VAPA: variants seen among roughly 807,000 people sequenced by gnomAD.
VAPA encodes vesicle-associated membrane protein-associated protein A.
Under a neutral mutation model 25.6 loss-of-function variants are expected in VAPA, and 6 were observed. The ratio of observed to expected loss-of-function variants is 0.23; its 90% CI spans 0.13 to 0.46. VAPA has a LOEUF of 0.46. Ranked by LOEUF, VAPA falls within the 20% of genes least tolerant of loss-of-function variation. VAPA has a pLI of 0.99. For synonymous variants in VAPA, 112 were observed against 106.2 expected, an observed-to-expected ratio of 1.05 and a Z score of -0.34; for missense variants, 244 against 302.1, an observed-to-expected ratio of 0.81 and a Z score of 1.43.
chr18:9,950,784 A>G, intron 5 of VAPA: 1 of 502,978 alleles, frequency 2.0e-6, no homozygotes, highest in Non-Finnish European at 3.5e-6. Context: ...CATTCTAATT[A>G]TTTGTGATCT....
At chr18:9,938,209 A>G (rs2069330655) in intron 4 of VAPA, among the ~76,000 whole-genome samples, 1 of 152,066 alleles carries the variant, frequency 6.6e-6, no homozygotes. Flanking sequence ...AAAAATTTGG[A>G]TATTTTCTCA....
Position 9,914,221 on chromosome 18 carries a change from G to A in VAPA, c.-36G>A, listed in dbSNP as rs1389801527. 6.4e-6 allele frequency: 10 copies of A among 1,555,964 alleles called. No homozygotes were observed. In the Admixed American group the frequency reaches 1.1e-4, roughly 17 times the overall value. ...CCCCGCCCCCAGTCAGCAAACCGCC[G>A]CCGCGGGCGCGCCCCCGCTCTGCGC... On this transcript the variant is annotated 5_prime_UTR_variant, in exon 1 of 6. Coordinates refer to ENST00000400000, the MANE Select transcript of VAPA (RefSeq NM_194434.3).
chr18:9,926,258 C>A (rs1159959560), intron 1 of VAPA, among the ~76,000 whole-genome samples: 1 of 152,054 alleles, frequency 6.6e-6, no homozygotes, highest in Non-Finnish European at 1.5e-5. Flanking sequence ...GCAGCATAAC[C>A]CTTGTGTAAC....
At chr18:9,938,922 G>A (rs1026890530) in intron 4 of VAPA, among the ~76,000 whole-genome samples, 1 of 152,006 alleles carries the variant, frequency 6.6e-6, no homozygotes, top group Admixed American at 6.5e-5. Flanking sequence ...CTCATCTTAG[G>A]TATTGTTTAA....
At chr18:9,921,205 G>A (rs2069154137) in intron 1 of VAPA, among the ~76,000 whole-genome samples, 1 of 152,188 alleles carries the variant, frequency 6.6e-6, no homozygotes, top group South Asian at 2.1e-4. Context: ...GACTCAGTTG[G>A]AGTTTTCACC....
In VAPA at chr18:9,920,350, T is replaced by C. The variant is rs190949734; in HGVS notation, c.79+6015T>C. 1.7e-3 allele frequency among the ~76,000 whole-genome samples: 261 copies of C among 152,370 alleles called. 1 individual carries two copies. The highest frequency in any genetic ancestry group is 5.9e-3 in the African/African-American group (247 of 41,588). ...TGGAGTCTCGCTTTGTCACCCATGG[T>C]GGTGTGCAGTGGCGCTATCTCGGCT... On this transcript the variant is annotated intron_variant, in intron 1 of 5. Transcript: ENST00000400000.
intron 1 of VAPA, 70 bp downstream of exon 1, chr18:9,914,405 GGAGGGCACGTCCGCGGCCCTGGCCC>G: frequency 1.4e-6 from 2 of 1,409,870 alleles, no homozygotes; most frequent in African/African-American, 1.5e-5. Context: ...GGGGGGGCGC[GGAGGGCACGTCCGCGGCCCTGGCCC>G]GAGGGAGCGC....
At chr18:9,924,441 A>G (rs1347092147) in intron 1 of VAPA, among the ~76,000 whole-genome samples, 5 of 152,200 alleles carry the variant, frequency 3.3e-5, no homozygotes, top group African/African-American at 1.2e-4. Flanking sequence ...GTGGAGGGAC[A>G]TAAAATTGGT....
intron 3 of VAPA, 167 bp downstream of exon 3, chr18:9,936,380 A>C: frequency 2.3e-6 from 1 of 444,154 alleles, no homozygotes; most frequent in Non-Finnish European, 4.0e-6. Context: ...GAATGAAAGA[A>C]TTTTTAAATA....
chr18:9,952,356 C>A (rs2069498602), intron 5 of VAPA, among the ~76,000 whole-genome samples: 1 of 152,082 alleles, frequency 6.6e-6, no homozygotes. Context: ...CACCTGAGGT[C>A]AGGAGTTCCA....
chr18:9,916,614 C>T (rs2069114065), intron 1 of VAPA, among the ~76,000 whole-genome samples: 1 of 152,122 alleles, frequency 6.6e-6, no homozygotes, highest in South Asian at 2.1e-4. Context: ...TTAATATTAT[C>T]GTTTTAGTCA....
intron 1 of VAPA, among the ~76,000 whole-genome samples, chr18:9,916,923 A>G (rs951472267): frequency 2.0e-5 from 3 of 152,200 alleles, no homozygotes; most frequent in Non-Finnish European, 2.9e-5. Flanking sequence ...TTTTTCTTTT[A>G]TACACCTAAC....
At position 9,945,915 on chromosome 18, in the gene VAPA, T is replaced by C. The variant is rs181894000; in HGVS notation, c.418-4480T>C. 5.7e-4 allele frequency among the ~76,000 whole-genome samples: 87 copies of C among 152,316 alleles called. 1 individual carries two copies. In the East Asian group the frequency reaches 0.016, roughly 28 times the overall value. ...TAGGTTAAGACCTTAATTTTGCCTCTCTCGGTTTATGACAGTACTCTTGAC... is the reference window on the plus strand; with the variant it reads ...TAGGTTAAGACCTTAATTTTGCCTCCCTCGGTTTATGACAGTACTCTTGAC... On this transcript the variant is annotated intron_variant, in intron 4 of 5. Coordinates refer to ENST00000400000, the MANE Select transcript of VAPA (RefSeq NM_194434.3).
intron 4 of VAPA, among the ~76,000 whole-genome samples, chr18:9,942,909 G>C (rs2069380900): frequency 6.6e-6 from 1 of 152,178 alleles, no homozygotes; most frequent in Admixed American, 6.5e-5. Context: ...CATGGGATTT[G>C]CCGGGGGACA....
intron 1 of VAPA, among the ~76,000 whole-genome samples, chr18:9,918,539 C>A (rs572825803): frequency 2.0e-5 from 3 of 152,258 alleles, no homozygotes; most frequent in Admixed American, 2.0e-4. Flanking sequence ...ACCCTCAATT[C>A]TTCTGGCTTC....
intron 1 of VAPA, chr18:9,915,817 T>C (rs901218049): frequency 1.3e-5 from 2 of 152,188 alleles, no homozygotes; most frequent in African/African-American, 4.8e-5. Context: ...GAGCTACTTG[T>C]TGGGTAAGGA....
intron 4 of VAPA, among the ~76,000 whole-genome samples, chr18:9,942,735 G>A (rs761315311): frequency 6.6e-6 from 1 of 152,114 alleles, no homozygotes; most frequent in Admixed American, 6.5e-5. Context: ...AAGAGAGAGC[G>A]AAGGGGCAGT....
chr18:9,929,622 A>G (rs2069232705), intron 1 of VAPA, among the ~76,000 whole-genome samples: 2 of 152,136 alleles, frequency 1.3e-5, no homozygotes, highest in South Asian at 4.1e-4. Flanking sequence ...AGTGGACCAG[A>G]TATTTCTTTC....
intron 1 of VAPA, among the ~76,000 whole-genome samples, chr18:9,917,131 C>T (rs763775725): frequency 6.6e-6 from 1 of 152,080 alleles, no homozygotes; most frequent in Non-Finnish European, 1.5e-5. Context: ...AAGAAGTAGA[C>T]GCTGCTTTAC....
Sources: allele counts gnomAD v4.1 joint callset (sites outside exome capture counted in the v4.1 genomes callset), GRCh38; gene constraint gnomAD v4.1.1; transcripts MANE v1.5; gene names NCBI Gene and HGNC (gene_info 2026-07-23, HGNC 2026-07-21).